SMPD4: variants seen among roughly 807,000 people sequenced by gnomAD.
SMPD4 encodes the protein sphingomyelin phosphodiesterase 4.
A neutral mutation model predicts 97.8 loss-of-function variants in SMPD4; 58 were observed. That is an observed-to-expected ratio of 0.59 (90% confidence interval 0.48 to 0.74). The LOEUF is 0.74. SMPD4 is among the 30% of genes least tolerant of loss of function. The pLI is 0.00. For synonymous variants in SMPD4, 388 were observed against 450.0 expected, an observed-to-expected ratio of 0.86 and a Z score of 1.74; for missense variants, 853 against 1,080.5, an observed-to-expected ratio of 0.79 and a Z score of 2.95.
intron 10 of SMPD4, among the ~76,000 whole-genome samples, chr2:130,161,961 T>C (rs991462183): frequency 6.6e-6 from 1 of 152,228 alleles, no homozygotes; most frequent in African/African-American, 2.4e-5. Flanking sequence ...CTCTGAGAAC[T>C]GAGGGCGAGG....
chr2:130,172,952 G>A (rs887854310), intron 5 of SMPD4, 57 bp from the exon 6 acceptor site: 28 of 1,559,904 alleles, frequency 1.8e-5, no homozygotes, highest in African/African-American at 6.8e-5. Context: ...TGCCCGATAC[G>A]CAGTACCCCA....
At chr2:130,168,742 G>GAT (rs1688168296) in intron 8 of SMPD4, among the ~76,000 whole-genome samples, 1 of 145,678 alleles carries the variant, frequency 6.9e-6, no homozygotes, top group Admixed American at 6.9e-5. Flanking sequence ...TTTTGGTTGA[G>GAT]ATACGGTCTC....
intron 8 of SMPD4, among the ~76,000 whole-genome samples, chr2:130,169,466 G>C (rs1688233139): frequency 6.6e-6 from 1 of 151,834 alleles, no homozygotes; most frequent in Admixed American, 6.6e-5. Context: ...ACTCATATTG[G>C]CTTAGAGAAA....
chr2:130,155,641 TG>T (rs1318767177), intron 14 of SMPD4, among the ~76,000 whole-genome samples: 4 of 151,542 alleles, frequency 2.6e-5, no homozygotes, highest in East Asian at 2.0e-4. Flanking sequence ...CACGGAAGCC[TG>T]GGGGTCCGCT....
chr2:130,180,709 T>C (rs1367952958), intron 1 of SMPD4, among the ~76,000 whole-genome samples: 2 of 152,184 alleles, frequency 1.3e-5, no homozygotes, highest in African/African-American at 4.8e-5. Flanking sequence ...AGTGCGGAGC[T>C]CTAGAGACGA....
In SMPD4 at chr2:130,156,440, A is replaced by G. The variant is rs1380479713; in HGVS notation, c.1188+145T>C. 4 of 850,798 alleles carry G rather than the reference A, an allele frequency of 4.7e-6. No individual in the cohort carries two copies. In the African/African-American group the frequency reaches 6.8e-5, roughly 15 times the overall value. The allele number at this position is 850,798 out of a possible 1,614,324, so 52.7% of individuals were successfully genotyped here. On this transcript the variant is annotated intron_variant, in intron 13 of 19. Transcript: ENST00000680298. ...GGGCTGGCTTTGGAAACTCAAACAG[A>G]AAGAACAATGTGGCCCTCCAAGACC...
In SMPD4 at chr2:130,153,798, G is replaced by T; in HGVS notation, c.1797C>A (p.Tyr599Ter). 1 of 1,614,018 alleles carries T rather than the reference G, an allele frequency of 6.2e-7. No individual in the cohort carries two copies. The highest frequency in any genetic ancestry group is 2.2e-5 in the East Asian group (1 of 44,888). ...GFSSMDTNGS[Y>*]TANDLDEMGQ... ...CCATCTCGTCCAGGTCGTTGGCTGT[G>T]TAGGAGCCATTGGTGTCCATGGAGC... Residue 599 changes from tyrosine to a stop codon, truncating the protein, a stop_gained, in exon 17 of 20, where the codon TAC becomes TAA. Transcript: ENST00000680298. LOFTEE classifies it high-confidence loss of function.
At chr2:130,156,919 G>A (rs549012323) in intron 12 of SMPD4, 7 of 1,114,650 alleles carry the variant, frequency 6.3e-6, no homozygotes, top group Middle Eastern at 3.0e-4. Flanking sequence ...CTCACCCTCC[G>A]TCCCATACAA....
At chr2:130,160,478 G>A (rs1407256130) in intron 11 of SMPD4, among the ~76,000 whole-genome samples, 2 of 152,204 alleles carry the variant, frequency 1.3e-5, no homozygotes, top group African/African-American at 2.4e-5. Flanking sequence ...TCTGAACTCT[G>A]CTTCACTGAC....
chr2:130,174,798 C>G (rs111636541), intron 3 of SMPD4, 116 bp downstream of exon 3: 10 of 684,740 alleles, frequency 1.5e-5, no homozygotes, highest in Non-Finnish European at 2.6e-5. Context: ...AATGGCCAGG[C>G]CTCTGTGCCA....
chr2:130,156,236 C>T, intron 13 of SMPD4, 101 bp from the exon 14 acceptor site: 1 of 1,007,890 alleles, frequency 9.9e-7, no homozygotes, highest in Non-Finnish European at 1.5e-6. Context: ...ACTGACTCTT[C>T]TCACTTCCTC....
intron 14 of SMPD4, 103 bp downstream of exon 14, chr2:130,155,932 C>G: frequency 8.2e-7 from 1 of 1,215,732 alleles, no homozygotes. Context: ...GGGGCCAGGG[C>G]CAGGCTGACC....
At chr2:130,175,267 T>A (rs1032196988) in intron 2 of SMPD4, among the ~76,000 whole-genome samples, 1 of 152,160 alleles carries the variant, frequency 6.6e-6, no homozygotes, top group African/African-American at 2.4e-5. Flanking sequence ...AGAACAGGAT[T>A]GACTTCCACC....
chr2:130,165,108 T>TAAAA (rs35361623), intron 9 of SMPD4, among the ~76,000 whole-genome samples: 3 of 61,898 alleles, frequency 4.8e-5, no homozygotes, highest in African/African-American at 1.4e-4. Flanking sequence ...GACTCTGATT[T>TAAAA]AAAAAAAAAA....
At chr2:130,160,489 C>T (rs34726112) in intron 11 of SMPD4, among the ~76,000 whole-genome samples, 130 of 152,338 alleles carry the variant, frequency 8.5e-4, no homozygotes, top group Middle Eastern at 3.4e-3. Context: ...CTTCACTGAC[C>T]TCAAATCCAT....
chr2:130,169,077 G>A (rs562409150), intron 8 of SMPD4, among the ~76,000 whole-genome samples: 37 of 152,210 alleles, frequency 2.4e-4, no homozygotes, highest in African/African-American at 7.9e-4. Context: ...AAACCTGACC[G>A]GCACCTTTTT....
Position 130,152,572 on chromosome 2 carries a change from T to C in SMPD4, c.2467A>G (p.Lys823Glu). ...TGACACCTTCAGGGCTGGTGCAGCT[T>C]CCCCCGCTCGGTCAGCAGTGTCATG... ...SAMTLLTERGKLHQP is the reference protein window; with the variant it reads ...SAMTLLTERGELHQP Residue 823 changes from lysine (K) to glutamate (E), a missense_variant, in exon 20 of 20, where the codon AAG becomes GAG. Physicochemically the swap from Lys to Glu is moderately conservative, Grantham distance 56. This residue lies in a region of SMPD4 where 511 missense variants were observed against 608.1 expected (regional missense o/e 0.84). Transcript: ENST00000680298. 2 of 1,547,280 alleles carry C rather than the reference T, an allele frequency of 1.3e-6. No individual in the cohort carries two copies. Among genetic ancestry groups the C allele is most frequent in the Non-Finnish European group, 1.7e-6 (2 of 1,145,130 alleles).
chr2:130,161,328 A>G lies in SMPD4; in HGVS notation c.865-56T>C, dbSNP rs1573686485. 10 of 1,464,738 alleles carry G rather than the reference A, an allele frequency of 6.8e-6. No homozygotes were observed. The East Asian group carries it at 9.3e-5, about 14-fold the overall frequency. 90.7% of individuals were successfully genotyped at this position (1,464,738 alleles called of 1,614,324 possible). A position where few individuals can be genotyped will look rare whatever the true frequency, so the allele number is the denominator to read the frequency against. On this transcript the variant is annotated intron_variant, in intron 10 of 19. Coordinates refer to ENST00000680298, the MANE Select transcript of SMPD4 (RefSeq NM_017951.5). Reference sequence around the variant, plus strand: ...AGGCCGAAGAGCAGAGGACAAGAGAATGGGGTGGGGAAGGGGAGAGATAGG... The same window carrying G: ...AGGCCGAAGAGCAGAGGACAAGAGAGTGGGGTGGGGAAGGGGAGAGATAGG...
intron 8 of SMPD4, among the ~76,000 whole-genome samples, chr2:130,171,017 T>C (rs1413714461): frequency 6.6e-6 from 1 of 151,696 alleles, no homozygotes; most frequent in East Asian, 1.9e-4. Flanking sequence ...GCCAAGATCA[T>C]GCCACTGCAC....
Sources: allele counts gnomAD v4.1 joint callset (sites outside exome capture counted in the v4.1 genomes callset), GRCh38; gene constraint gnomAD v4.1.1; regional missense constraint gnomAD v4.1.1; transcripts MANE v1.5; gene names NCBI Gene and HGNC (gene_info 2026-07-23, HGNC 2026-07-21).